Variants in RBFOX1 observed in about 807,000 individuals in gnomAD.
RBFOX1 encodes the protein RNA binding protein fox-1 homolog 1.
Under a neutral mutation model 57.7 loss-of-function variants are expected in RBFOX1, and 8 were observed. The ratio of observed to expected loss-of-function variants is 0.14; its 90% CI spans 0.08 to 0.25. The LOEUF (loss-of-function observed/expected upper bound fraction) is 0.25, where lower values mean the gene tolerates loss of function less well. RBFOX1 is among the 10% of genes least tolerant of loss of function. The pLI is 1.00. For synonymous variants in RBFOX1, 326 were observed against 222.4 expected, an observed-to-expected ratio of 1.47 and a Z score of -4.15; for missense variants, 611 against 548.5, an observed-to-expected ratio of 1.11 and a Z score of -1.14.
At chr16:7,401,529 A>G (rs1242950883) in intron 4 of RBFOX1, among the ~76,000 whole-genome samples, 1 of 152,216 alleles carries the variant, frequency 6.6e-6, no homozygotes, top group African/African-American at 2.4e-5. Flanking sequence ...AAATAAAAAG[A>G]TAGAAAAATA....
At chr16:6,684,945 G>A (rs146252893) in intron 3 of RBFOX1, among the ~76,000 whole-genome samples, 115 of 152,264 alleles carry the variant, frequency 7.6e-4, no homozygotes, top group African/African-American at 2.6e-3. Flanking sequence ...TACTTAGGGT[G>A]ATCTTCAATT....
chr16:6,450,896 CTCT>C lies in RBFOX1; in HGVS notation c.-64+133847_-64+133849del, dbSNP rs1246527343. On this transcript the variant is annotated intron_variant, in intron 2 of 15. Transcript: ENST00000550418. Reference sequence around the variant, plus strand: ...ATATCTCCTCTGAAATATTGATCTTCTCTTCTTCTTTATAACCCCTGAATAACA... The same window carrying C: ...ATATCTCCTCTGAAATATTGATCTTCTCTTCTTTATAACCCCTGAATAACA... Among the ~76,000 whole-genome samples the C allele has an allele frequency of 5.1e-5, 6 of 118,680 alleles. No homozygotes were observed. The East Asian group carries it at 1.4e-3, about 28-fold the overall frequency. The allele number at this position is 118,680 out of a possible 152,430, so 77.9% of individuals were successfully genotyped here.
intron 1 of RBFOX1, among the ~76,000 whole-genome samples, chr16:6,021,461 C>T (rs901586080): frequency 8.5e-5 from 13 of 152,272 alleles, no homozygotes; most frequent in African/African-American, 3.1e-4. Flanking sequence ...CTTTTATGTT[C>T]AGAAGCAAAG....
intron 4 of RBFOX1, among the ~76,000 whole-genome samples, chr16:5,997,231 C>T (rs992407333): frequency 3.3e-5 from 5 of 152,236 alleles, no homozygotes; most frequent in East Asian, 1.9e-4. Context: ...GGTCAGCCTC[C>T]TGCCTGGGGC....
chr16:5,377,606 A>AAG (rs969364075), intron 1 of RBFOX1, among the ~76,000 whole-genome samples: 3 of 150,636 alleles, frequency 2.0e-5, no homozygotes, highest in Admixed American at 1.3e-4. Context: ...GAGAAAGAAC[A>AAG]AGAGAGAGAC....
intron 4 of RBFOX1, among the ~76,000 whole-genome samples, chr16:7,230,626 C>G (rs1296089131): frequency 6.6e-6 from 1 of 152,174 alleles, no homozygotes; most frequent in Non-Finnish European, 1.5e-5. Context: ...CCACTAGCTT[C>G]TGATGCATTC....
chr16:7,519,569 T>A (rs2077084989), intron 5 of RBFOX1: 1 of 294,082 alleles, frequency 3.4e-6, no homozygotes, highest in African/African-American at 2.3e-5. Flanking sequence ...ATCATAAAAT[T>A]AAATAATGTT....
chr16:7,348,817 T>A (rs2097070330), intron 4 of RBFOX1, among the ~76,000 whole-genome samples: 1 of 152,052 alleles, frequency 6.6e-6, no homozygotes, highest in South Asian at 2.1e-4. Flanking sequence ...TGGCACGTGC[T>A]TGTAATCCCA....
intron 10 of RBFOX1, among the ~76,000 whole-genome samples, chr16:7,612,426 T>C (rs934044232): frequency 1.3e-5 from 2 of 151,370 alleles, no homozygotes; most frequent in African/African-American, 2.4e-5. Flanking sequence ...GGCCCTTCTT[T>C]AGAGTTTAAG....
At chr16:7,445,689 T>C (rs1473085499) in intron 4 of RBFOX1, among the ~76,000 whole-genome samples, 2 of 152,246 alleles carry the variant, frequency 1.3e-5, no homozygotes, top group African/African-American at 4.8e-5. Flanking sequence ...ACAGTTTTTG[T>C]TGCTGTTACT....
chr16:6,943,873 C>G (rs1035839619), intron 3 of RBFOX1, among the ~76,000 whole-genome samples: 1 of 152,132 alleles, frequency 6.6e-6, no homozygotes, highest in South Asian at 2.1e-4. Context: ...TACCTCACTG[C>G]TGATTTCTAT....
chr16:6,998,972 G>A (rs1276896430), intron 3 of RBFOX1, among the ~76,000 whole-genome samples: 2 of 151,336 alleles, frequency 1.3e-5, no homozygotes, highest in African/African-American at 2.4e-5. Flanking sequence ...AGGTTCAAGC[G>A]ATTCTCGTGC....
chr16:6,987,138 T>C (rs899292204), intron 3 of RBFOX1, among the ~76,000 whole-genome samples: 12 of 152,048 alleles, frequency 7.9e-5, no homozygotes, highest in African/African-American at 2.9e-4. Context: ...GGCCTAATAA[T>C]GGGAGCTCAG....
At chr16:7,367,138 GA>G (rs891783336) in intron 4 of RBFOX1, among the ~76,000 whole-genome samples, 2 of 152,046 alleles carry the variant, frequency 1.3e-5, no homozygotes, top group Middle Eastern at 3.2e-3. Flanking sequence ...AGTGAGTTGG[GA>G]AAGATGGTCT....
intron 1 of RBFOX1, among the ~76,000 whole-genome samples, chr16:6,201,861 A>T (rs2097217682): frequency 6.6e-6 from 1 of 152,164 alleles, no homozygotes; most frequent in Non-Finnish European, 1.5e-5. Flanking sequence ...TACTCTGTCA[A>T]CTCATGGACA....
At chr16:7,153,527 G>C (rs1209533160) in intron 4 of RBFOX1, among the ~76,000 whole-genome samples, 1 of 151,662 alleles carries the variant, frequency 6.6e-6, no homozygotes, top group Non-Finnish European at 1.5e-5. Flanking sequence ...ACAAGGTCAA[G>C]AGATCGAGAC....
chr16:6,667,839 T>C (rs1041691624), intron 3 of RBFOX1, among the ~76,000 whole-genome samples: 1 of 151,912 alleles, frequency 6.6e-6, no homozygotes, highest in Non-Finnish European at 1.5e-5. Flanking sequence ...CAGTGACCTA[T>C]AGTCGTACCA....
chr16:7,587,860 A>C (rs578030403), intron 7 of RBFOX1, among the ~76,000 whole-genome samples: 1 of 152,180 alleles, frequency 6.6e-6, no homozygotes, highest in African/African-American at 2.4e-5. Context: ...GGCTCTATGG[A>C]GAGGTTTGGG....
chr16:6,740,960 A>G (rs1470870604), intron 3 of RBFOX1, among the ~76,000 whole-genome samples: 3 of 152,350 alleles, frequency 2.0e-5, no homozygotes, highest in East Asian at 3.9e-4. Flanking sequence ...CAGTCTACCT[A>G]GTTTCAAGAC....
Sources: allele counts gnomAD v4.1 joint callset (sites outside exome capture counted in the v4.1 genomes callset), GRCh38; gene constraint gnomAD v4.1.1; transcripts MANE v1.5; gene names NCBI Gene and HGNC (gene_info 2026-07-23, HGNC 2026-07-21).